The following UBE3B variants were observed in gnomAD, a reference collection of about 807,000 sequenced individuals.
The protein encoded by UBE3B is ubiquitin-protein ligase E3B.
In UBE3B, 80 loss-of-function variants were observed where a neutral mutation model predicts 132.3. The ratio of observed to expected loss-of-function variants is 0.60; its 90% confidence interval spans 0.50 to 0.73. The LOEUF is 0.73. Among genes scored for constraint, UBE3B ranks in the 30% least tolerant of loss-of-function variants. The pLI is 0.00. For synonymous variants in UBE3B, 487 were observed against 520.4 expected (o/e 0.94, Z 0.87); for missense variants, 1,196 against 1,362.5 (o/e 0.88, Z 1.92).
chr12:109,524,472 C>T lies in UBE3B; in HGVS notation c.2537C>T (p.Thr846Met), dbSNP rs184291791. The T allele has an allele frequency of 3.6e-5, 58 of 1,614,188 alleles. No individual in the cohort carries two copies. The highest frequency in any genetic ancestry group is 2.3e-4 in the Admixed American group (14 of 60,030). Reference protein sequence around the residue: ...YDGDITDLGLTLSYDEDVMGQ... With the variant: ...YDGDITDLGLMLSYDEDVMGQ... ...GGGGACATCACTGACCTGGGCCTGA[C>T]GCTGTCTTACGACGAGGACGTCATG... Residue 846 changes from threonine (T) to methionine (M), a missense_variant, in exon 23 of 28, where the codon ACG becomes ATG. By Grantham distance (81) the Thr-to-Met change is moderately conservative. Transcript: ENST00000342494.
the UBE3B span, among the ~76,000 whole-genome samples, chr12:109,546,882 G>A: frequency 6.6e-6 from 1 of 152,044 alleles, no homozygotes. Flanking sequence ...GCTAATTTTT[G>A]TATTTTTTGT....
chr12:109,494,247 C>T (rs916640991), intron 9 of UBE3B, among the ~76,000 whole-genome samples: 2 of 152,214 alleles, frequency 1.3e-5, no homozygotes, highest in African/African-American at 4.8e-5. Context: ...CTCCAGAACT[C>T]ATACTCTTTC....
At chr12:109,540,644 A>C (rs1883591969), downstream of UBE3B, among the ~76,000 whole-genome samples, 1 of 151,994 alleles carries the variant, frequency 6.6e-6, no homozygotes, top group African/African-American at 2.4e-5. Context: ...TGTTTAAAAA[A>C]CTCAGTGTTC....
rs1284060320 is a variant in UBE3B, at chr12:109,511,129, T to C, written c.1857-75T>C. The C allele has an allele frequency of 3.0e-6, 4 of 1,335,600 alleles. No individual in the cohort carries two copies. The African/African-American group carries it at 5.8e-5, about 19-fold the overall frequency. The allele number at this position is 1,335,600 out of a possible 1,614,324, so 82.7% of individuals were successfully genotyped here. A position where few individuals can be genotyped will look rare whatever the true frequency, so the allele number is the denominator to read the frequency against. On this transcript the variant is annotated intron_variant, in intron 17 of 27. Coordinates refer to ENST00000342494, the MANE Select transcript of UBE3B (RefSeq NM_130466.4). ...AGCACCCTGCATGTGGCCCACATGG[T>C]GTCATTTCCCAGCCTCACACTAGAG...
At chr12:109,510,861 T>C (rs963545327) in intron 17 of UBE3B, among the ~76,000 whole-genome samples, 4 of 152,196 alleles carry the variant, frequency 2.6e-5, no homozygotes, top group African/African-American at 9.7e-5. Flanking sequence ...CTATCACAAC[T>C]GAACATAGGC....
intron 1 of UBE3B, among the ~76,000 whole-genome samples, chr12:109,479,030 C>G (rs1874867732): frequency 6.6e-6 from 1 of 152,156 alleles, no homozygotes; most frequent in Admixed American, 6.5e-5. Context: ...GTTATTACAG[C>G]CTTGACTCTG....
intron 9 of UBE3B, chr12:109,491,795 C>G (rs1877500513): frequency 6.6e-6 from 1 of 152,194 alleles, no homozygotes; most frequent in Non-Finnish European, 1.5e-5. Context: ...CTGCTCTGCC[C>G]CCATCTGTGG....
chr12:109,527,390 C>A (rs1228276351), intron 24 of UBE3B, among the ~76,000 whole-genome samples: 1 of 152,200 alleles, frequency 6.6e-6, no homozygotes, highest in African/African-American at 2.4e-5. Flanking sequence ...CTCCCGCCGC[C>A]AGGCTCAGTT....
intron 7 of UBE3B, 151 bp from the exon 8 acceptor site, chr12:109,489,768 G>A: frequency 1.4e-6 from 1 of 702,122 alleles, no homozygotes; most frequent in Admixed American, 2.2e-5. Flanking sequence ...GCCTTTCTGT[G>A]CTCTGGCACC....
At chr12:109,484,242 AC>A (rs1361549698) in intron 4 of UBE3B, among the ~76,000 whole-genome samples, 2 of 152,214 alleles carry the variant, frequency 1.3e-5, no homozygotes, top group African/African-American at 4.8e-5. Context: ...AGTAAAAAAA[AC>A]ATATATGAGA....
At chr12:109,498,664 G>A (rs1878545298) in intron 11 of UBE3B, among the ~76,000 whole-genome samples, 1 of 152,182 alleles carries the variant, frequency 6.6e-6, no homozygotes, top group South Asian at 2.1e-4. Flanking sequence ...AAGAGAGAAG[G>A]GAGGGAGTAG....
At chr12:109,506,970 A>T (rs949304801) in intron 14 of UBE3B, among the ~76,000 whole-genome samples, 1 of 152,206 alleles carries the variant, frequency 6.6e-6, no homozygotes, top group Non-Finnish European at 1.5e-5. Flanking sequence ...ACCTCACTTC[A>T]GTTTTGCCCC....
chr12:109,536,060 A>C lies in UBE3B; in HGVS notation c.*1278A>C, dbSNP rs1883406274. The C allele has an allele frequency of 6.6e-6, 1 of 152,190 alleles. No individual in the cohort carries two copies. Among genetic ancestry groups the C allele is most frequent in the Non-Finnish European group, 1.5e-5 (1 of 68,054 alleles). 9.4% of individuals were successfully genotyped at this position (152,190 alleles called of 1,614,324 possible). On this transcript the variant is annotated 3_prime_UTR_variant, in exon 28 of 28. Transcript: ENST00000342494. ...TCCTCAAAGACGCAAAACATTTTCC[A>C]ACAAGAGCTGTCACAGTGGCAGCAA...
chr12:109,533,465 G>T lies in UBE3B; in HGVS notation c.2923-1G>T, dbSNP rs1409120511. On this transcript the variant is annotated splice_acceptor_variant, in intron 26 of 27. Transcript: ENST00000342494. LOFTEE classifies it high-confidence loss of function. ...CCCACTGACCCTGCTTTGTGTTGCA[G>T]TTCGTGACCAGCTGCTCCAGACCCC... is the stretch of plus-strand genomic sequence containing the variant. 1.2e-6 allele frequency: 2 copies of T among 1,614,128 alleles called. No homozygotes were observed. Among genetic ancestry groups the T allele is most frequent in the Non-Finnish European group, 1.7e-6 (2 of 1,179,990 alleles).
At chr12:109,479,277 CT>C (rs60108170) in intron 1 of UBE3B, among the ~76,000 whole-genome samples, 2,071 of 152,308 alleles carry the variant, frequency 0.014, 47 homozygotes, top group African/African-American at 0.048. Flanking sequence ...ATAAAGCTCA[CT>C]TACATGCTAC....
Position 109,516,774 on chromosome 12 carries a change from C to G in UBE3B, c.1966C>G (p.Leu656Val). The G allele has an allele frequency of 6.2e-7, 1 of 1,614,020 alleles. No homozygotes were observed. The change falls in exon 19 of 28, where the codon CTG (leucine) becomes GTG (valine). Residue 656 changes from leucine to valine, a missense_variant. Leu to Val is a conservative substitution (Grantham distance 32). Transcript: ENST00000342494. The stretch of plus-strand genomic sequence containing the variant: ...CCTTTGTTCATTTTAGAGAGTTCTA[C>G]TGTTTCGAACCATGGTTACCAAGGA... ...HVIPHKNRVL[L>V]FRTMVTKEKE...
chr12:109,526,488 G>A, intron 24 of UBE3B, 72 bp downstream of exon 24: 1 of 1,467,842 alleles, frequency 6.8e-7, no homozygotes, highest in Non-Finnish European at 9.5e-7. Flanking sequence ...CGCTTATGTT[G>A]AGAATTTATT....
intron 24 of UBE3B, among the ~76,000 whole-genome samples, chr12:109,527,758 G>C (rs776995115): frequency 6.6e-6 from 1 of 152,216 alleles, no homozygotes; most frequent in Admixed American, 6.5e-5. Context: ...GGTGAGTCCT[G>C]CCCCTGCCTG....
At chr12:109,536,768 T>C (rs1248295675), downstream of UBE3B, 1 of 152,248 alleles carries the variant, frequency 6.6e-6, no homozygotes, top group African/African-American at 2.4e-5. Flanking sequence ...GTATCTGGGC[T>C]TAGGGAGCAT....
Sources: allele counts gnomAD v4.1 joint callset (sites outside exome capture counted in the v4.1 genomes callset), GRCh38; gene constraint gnomAD v4.1.1; transcripts MANE v1.5; gene names NCBI Gene and HGNC (gene_info 2026-07-23, HGNC 2026-07-21).